The following GPC6 variants were observed in gnomAD, a reference collection of about 807,000 sequenced individuals.
The protein encoded by GPC6 is glypican-6.
In GPC6, 14 loss-of-function variants were observed where a neutral mutation model predicts 55.2. That is an observed-to-expected ratio of 0.25 (90% CI 0.17 to 0.40). GPC6 has a LOEUF of 0.40. Among genes scored for constraint, GPC6 ranks in the 10% least tolerant of loss-of-function variants. GPC6 has a pLI of 1.00. For missense variants in GPC6, 641 were observed against 708.5 expected (o/e 0.90, Z 1.08); for synonymous variants, 278 against 259.6 (o/e 1.07, Z -0.68).
chr13:94,054,450 G>A (rs1487891264), intron 4 of GPC6, among the ~76,000 whole-genome samples: 1 of 152,166 alleles, frequency 6.6e-6, no homozygotes, highest in Admixed American at 6.5e-5. Context: ...GTAGGTCTGG[G>A]GTGGGGAATG....
intron 3 of GPC6, among the ~76,000 whole-genome samples, chr13:94,024,132 C>CAA (rs1555287998): frequency 6.6e-6 from 1 of 151,492 alleles, no homozygotes; most frequent in Non-Finnish European, 1.5e-5. Flanking sequence ...CACACACACA[C>CAA]ACAAGTGAAT....
chr13:94,303,091 GT>G (rs937296025), intron 5 of GPC6, among the ~76,000 whole-genome samples: 1 of 152,254 alleles, frequency 6.6e-6, no homozygotes, highest in African/African-American at 2.4e-5. Flanking sequence ...AACAGCAGTG[GT>G]GGATGGTGAG....
At chr13:94,318,437 CTA>C (rs1422559491) in intron 6 of GPC6, among the ~76,000 whole-genome samples, 1 of 152,058 alleles carries the variant, frequency 6.6e-6, no homozygotes, top group Admixed American at 6.5e-5. Context: ...TTAACAATAA[CTA>C]ATAATAAAAT....
chr13:93,482,089 A>T (rs564205173), intron 1 of GPC6, among the ~76,000 whole-genome samples: 1 of 152,078 alleles, frequency 6.6e-6, no homozygotes, highest in African/African-American at 2.4e-5. Flanking sequence ...TAGTTCAATA[A>T]TATTTTGTAA....
intron 1 of GPC6, among the ~76,000 whole-genome samples, chr13:93,525,581 C>T (rs1359539351): frequency 1.3e-5 from 2 of 152,048 alleles, no homozygotes; most frequent in Admixed American, 6.6e-5. Flanking sequence ...ATAGACTCTT[C>T]TGAGCACTCG....
At chr13:93,700,869 T>A (rs1882643724) in intron 2 of GPC6, among the ~76,000 whole-genome samples, 1 of 152,070 alleles carries the variant, frequency 6.6e-6, no homozygotes, top group Non-Finnish European at 1.5e-5. Context: ...AAGGTCAAGA[T>A]TATGTGGGAC....
At chr13:93,939,425 A>AATAATAATAATG (rs148008774) in intron 3 of GPC6, among the ~76,000 whole-genome samples, 45,189 of 149,572 alleles carry the variant, frequency 0.3, 7,216 homozygotes, top group Middle Eastern at 0.42. Context: ...CTCAAATAAT[A>AATAATAATAATG]ATAATAATAA....
chr13:93,744,756 C>T (rs1033027009), intron 2 of GPC6, among the ~76,000 whole-genome samples: 3 of 150,852 alleles, frequency 2.0e-5, no homozygotes, highest in Non-Finnish European at 3.0e-5. Context: ...ATGGTGAAAC[C>T]GTCTCTACTG....
chr13:94,142,346 T>G (rs1023797542), intron 4 of GPC6, among the ~76,000 whole-genome samples: 1 of 152,206 alleles, frequency 6.6e-6, no homozygotes, highest in Non-Finnish European at 1.5e-5. Context: ...AATTTTAATT[T>G]AACAGGAAAG....
At chr13:93,969,804 G>A (rs986092052) in intron 3 of GPC6, among the ~76,000 whole-genome samples, 1 of 151,652 alleles carries the variant, frequency 6.6e-6, no homozygotes. Context: ...GCTCCCACAT[G>A]TGAATGAGAG....
chr13:93,231,370 T>TAC (rs1876024405), intron 1 of GPC6, among the ~76,000 whole-genome samples: 1 of 18,110 alleles, frequency 5.5e-5, no homozygotes, highest in African/African-American at 3.0e-4. Context: ...CGTATATATA[T>TAC]ATATATATAC....
intron 1 of GPC6, among the ~76,000 whole-genome samples, chr13:93,377,577 C>G (rs1874963560): frequency 6.6e-6 from 1 of 152,098 alleles, no homozygotes; most frequent in African/African-American, 2.4e-5. Flanking sequence ...CTCTAGAGCC[C>G]TCGTTGTTGG....
chr13:94,305,930 AG>A, intron 5 of GPC6, 49 bp from the exon 6 acceptor site: 1 of 1,572,140 alleles, frequency 6.4e-7, no homozygotes, highest in Non-Finnish European at 8.8e-7. Context: ...TCATGAATTT[AG>A]GAGAAAACTC....
intron 2 of GPC6, among the ~76,000 whole-genome samples, chr13:93,652,820 A>G (rs1252703106): frequency 2.0e-5 from 3 of 152,204 alleles, no homozygotes; most frequent in Non-Finnish European, 2.9e-5. Flanking sequence ...GAGACTTTGA[A>G]TGTTACATTT....
chr13:94,121,728 G>A (rs112825262), intron 4 of GPC6, among the ~76,000 whole-genome samples: 223 of 152,228 alleles, frequency 1.5e-3, no homozygotes, highest in Non-Finnish European at 2.7e-3. Flanking sequence ...TAGTCATCCA[G>A]CTGATTTTTT....
At chr13:93,389,172 C>T (rs1875517971) in intron 1 of GPC6, among the ~76,000 whole-genome samples, 1 of 151,926 alleles carries the variant, frequency 6.6e-6, no homozygotes, top group Admixed American at 6.6e-5. Flanking sequence ...GGTAGAAATA[C>T]TAATTACTGC....
At chr13:94,308,882 T>A (rs766258776) in intron 6 of GPC6, among the ~76,000 whole-genome samples, 2 of 152,210 alleles carry the variant, frequency 1.3e-5, no homozygotes, top group African/African-American at 2.4e-5. Flanking sequence ...CCTGAGGCCT[T>A]CGTCCTTTGG....
intron 1 of GPC6, among the ~76,000 whole-genome samples, chr13:93,523,505 A>T (rs779580788): frequency 9.9e-5 from 15 of 151,534 alleles, no homozygotes; most frequent in Non-Finnish European, 1.9e-4. Context: ...GTGTATATAC[A>T]TATTTGTGTG....
chr13:93,607,057 A>T (rs1328509339), intron 2 of GPC6, among the ~76,000 whole-genome samples: 1 of 152,054 alleles, frequency 6.6e-6, no homozygotes, highest in Non-Finnish European at 1.5e-5. Context: ...TCCACACTGT[A>T]TTTATTGTAC....
Sources: gnomAD v4.1 joint callset for allele counts (sites outside exome capture counted in the v4.1 genomes callset) on GRCh38, gnomAD v4.1.1 for gene constraint, MANE v1.5 for transcripts, NCBI Gene and HGNC (gene_info 2026-07-23, HGNC 2026-07-21) for gene names.